The following NLGN1 variants were observed in gnomAD, a reference collection of about 807,000 sequenced individuals.
NLGN1 encodes the protein neuroligin 1, also known as neuroligin-1.
In NLGN1, 12 loss-of-function variants were observed where a neutral mutation model predicts 65.5. The observed-to-expected ratio is 0.18, with a 90% confidence interval of 0.12 to 0.30. The LOEUF is 0.30. NLGN1 is among the 10% of genes least tolerant of loss of function. The pLI is 1.00. For synonymous variants in NLGN1, 350 were observed against 359.5 expected, an observed-to-expected ratio of 0.97 and a Z score of 0.30; for missense variants, 750 against 1,007.1, an observed-to-expected ratio of 0.74 and a Z score of 3.46.
chr3:174,226,240 A>G (rs1026532798), intron 4 of NLGN1, among the ~76,000 whole-genome samples: 4 of 152,118 alleles, frequency 2.6e-5, no homozygotes, highest in Non-Finnish European at 5.9e-5. Flanking sequence ...TTTCTAATTG[A>G]AGGCATATGA....
intron 3 of NLGN1, among the ~76,000 whole-genome samples, chr3:173,797,702 A>G (rs59884258): frequency 0.018 from 2,724 of 151,462 alleles, 108 homozygotes; most frequent in African/African-American, 0.064. Flanking sequence ...ACAACAACAA[A>G]AAAAAACAAG....
At chr3:174,264,853 G>A (rs1347876817) in intron 4 of NLGN1, among the ~76,000 whole-genome samples, 1 of 151,800 alleles carries the variant, frequency 6.6e-6, no homozygotes, top group Non-Finnish European at 1.5e-5. Context: ...ATGTACAGAT[G>A]GGTTTTTGGT....
At chr3:173,804,796 G>T (rs1303229515) in intron 3 of NLGN1, among the ~76,000 whole-genome samples, 2 of 152,132 alleles carry the variant, frequency 1.3e-5, no homozygotes. Context: ...GGAGGCCGAG[G>T]AGGGCAGATC....
intron 2 of NLGN1, among the ~76,000 whole-genome samples, chr3:173,576,209 T>C (rs1038290486): frequency 1.3e-5 from 2 of 152,194 alleles, no homozygotes; most frequent in Non-Finnish European, 2.9e-5. Context: ...CATTTTTTAA[T>C]GTGGATGCTA....
chr3:174,107,267 A>G (rs1714153623), intron 4 of NLGN1, among the ~76,000 whole-genome samples: 1 of 152,102 alleles, frequency 6.6e-6, no homozygotes, highest in Non-Finnish European at 1.5e-5. Flanking sequence ...TTTTGTAGCC[A>G]CTTTCCTCCA....
intron 2 of NLGN1, among the ~76,000 whole-genome samples, chr3:173,451,447 G>A (rs967512148): frequency 2.6e-5 from 4 of 152,138 alleles, no homozygotes; most frequent in African/African-American, 9.7e-5. Context: ...GTACCTGGCC[G>A]TGTGAGGTGT....
chr3:173,715,315 A>G (rs546272680), intron 3 of NLGN1, among the ~76,000 whole-genome samples: 1 of 152,182 alleles, frequency 6.6e-6, no homozygotes. Flanking sequence ...TTCATGTCCA[A>G]TTCTACAATT....
At chr3:174,263,779 T>C (rs1456253145) in intron 4 of NLGN1, among the ~76,000 whole-genome samples, 2 of 152,006 alleles carry the variant, frequency 1.3e-5, no homozygotes, top group Admixed American at 6.6e-5. Context: ...TTCCTAGTCT[T>C]GATGGTCTTT....
intron 3 of NLGN1, among the ~76,000 whole-genome samples, chr3:173,735,048 C>G (rs1216386962): frequency 6.6e-6 from 1 of 152,036 alleles, no homozygotes; most frequent in Non-Finnish European, 1.5e-5. Context: ...TCCAGCTATG[C>G]AAATAAGGGT....
intron 4 of NLGN1, among the ~76,000 whole-genome samples, chr3:174,088,016 G>A (rs1483515708): frequency 6.6e-6 from 1 of 152,080 alleles, no homozygotes; most frequent in Non-Finnish European, 1.5e-5. Flanking sequence ...TTGCTGCATG[G>A]CATATATGCT....
chr3:173,586,339 G>T (rs1283409609), intron 2 of NLGN1, among the ~76,000 whole-genome samples: 1 of 152,164 alleles, frequency 6.6e-6, no homozygotes, highest in African/African-American at 2.4e-5. Context: ...AAGTCTGTGT[G>T]TGTGAACTCA....
At chr3:173,830,219 A>AC (rs929358195) in intron 4 of NLGN1, among the ~76,000 whole-genome samples, 5 of 152,068 alleles carry the variant, frequency 3.3e-5, no homozygotes, top group Admixed American at 2.0e-4. Context: ...TTCCCATTCA[A>AC]CCCCCAGGCT....
At chr3:173,520,854 A>G (rs1215153263) in intron 2 of NLGN1, among the ~76,000 whole-genome samples, 1 of 152,238 alleles carries the variant, frequency 6.6e-6, no homozygotes, top group Non-Finnish European at 1.5e-5. Context: ...GAATTATTGA[A>G]TACAATAGAT....
At chr3:174,027,646 G>A (rs1044767336) in intron 4 of NLGN1, among the ~76,000 whole-genome samples, 1 of 152,078 alleles carries the variant, frequency 6.6e-6, no homozygotes, top group Non-Finnish European at 1.5e-5. Flanking sequence ...AGACACATCA[G>A]TTCAGGTCAA....
intron 4 of NLGN1, among the ~76,000 whole-genome samples, chr3:173,951,750 T>C (rs747360700): frequency 2.4e-4 from 37 of 152,262 alleles, no homozygotes; most frequent in Middle Eastern, 3.4e-3. Context: ...CATGAGCCAC[T>C]GCGCCAGGCC....
At chr3:173,745,403 G>A (rs575349696) in intron 3 of NLGN1, among the ~76,000 whole-genome samples, 3 of 152,088 alleles carry the variant, frequency 2.0e-5, no homozygotes, top group Non-Finnish European at 1.5e-5. Flanking sequence ...TCAGCATTAA[G>A]CAATTTACTA....
chr3:174,016,574 A>G (rs1726603258), intron 4 of NLGN1, among the ~76,000 whole-genome samples: 1 of 152,158 alleles, frequency 6.6e-6, no homozygotes, highest in Non-Finnish European at 1.5e-5. Context: ...ATCAGGAGAC[A>G]GGGGTGATGC....
rs1004174325 is a variant in NLGN1 at position 174,080,234 on chromosome 3, A to G, written c.647-195081A>G. 4.6e-5 allele frequency among the ~76,000 whole-genome samples: 7 copies of G among 152,094 alleles called. No homozygotes were observed. The South Asian group carries it at 6.2e-4, about 14-fold the overall frequency. The stretch of plus-strand genomic sequence containing the variant: ...ACATAGAATAAATTAACCCTTTCCT[A>G]TAGTTCTGTTACCGGCAGCAAATCC... On this transcript the variant is annotated intron_variant, in intron 4 of 6. Transcript: ENST00000457714.
intron 2 of NLGN1, among the ~76,000 whole-genome samples, chr3:173,524,960 T>C (rs1409848751): frequency 6.6e-6 from 1 of 152,202 alleles, no homozygotes; most frequent in Non-Finnish European, 1.5e-5. Context: ...TACTGTTGGA[T>C]TCAGTTTGCT....
Sources: gnomAD v4.1 joint callset for allele counts (sites outside exome capture counted in the v4.1 genomes callset) on GRCh38, gnomAD v4.1.1 for gene constraint, MANE v1.5 for transcripts, NCBI Gene and HGNC (gene_info 2026-07-23, HGNC 2026-07-21) for gene names.